Variants in PARD3B observed in about 807,000 individuals in gnomAD.
PARD3B encodes par-3 family cell polarity regulator beta.
Under a neutral mutation model 130.2 loss-of-function variants are expected in PARD3B, and 103 were observed. That is an observed-to-expected ratio of 0.79 (90% CI 0.67 to 0.93). The LOEUF is 0.93. PARD3B is among the 40% of genes least tolerant of loss of function. The pLI is 0.00. For missense variants in PARD3B, 1,609 were observed against 1,499.2 expected, an observed-to-expected ratio of 1.07 and a Z score of -1.21; for synonymous variants, 583 against 553.2, an observed-to-expected ratio of 1.05 and a Z score of -0.76.
intron 20 of PARD3B, among the ~76,000 whole-genome samples, chr2:205,472,655 A>G (rs1179853207): frequency 6.6e-6 from 1 of 152,230 alleles, no homozygotes; most frequent in Non-Finnish European, 1.5e-5. Context: ...CTCAATTCCC[A>G]GAAACAGAAG....
chr2:204,761,988 C>A (rs1574917539), intron 2 of PARD3B, among the ~76,000 whole-genome samples: 1 of 151,874 alleles, frequency 6.6e-6, no homozygotes, highest in Middle Eastern at 3.4e-3. Context: ...TGGATACTGT[C>A]ATTGTCTTTA....
At chr2:205,418,847 A>C (rs1333896297) in intron 19 of PARD3B, among the ~76,000 whole-genome samples, 1 of 152,164 alleles carries the variant, frequency 6.6e-6, no homozygotes, top group East Asian at 1.9e-4. Flanking sequence ...GTTTAGGGCA[A>C]AACTTTCTGG....
rs988674226 is a variant in PARD3B, at chr2:205,405,903, A to G, written c.2741+4780A>G. On this transcript the variant is annotated intron_variant, in intron 19 of 22. Coordinates refer to ENST00000406610, the MANE Select transcript of PARD3B (RefSeq NM_001302769.2). This position sits in a 1 kb window ranked among gnomAD's most constrained non-coding sequence, Gnocchi z 4.1. ...GGTTTTAGTTGAGCATAAGTTTAGC[A>G]TGAGTCAACATGTGGATATGCCTGC... Among the ~76,000 whole-genome samples, 1 of 152,232 alleles carries G rather than the reference A, an allele frequency of 6.6e-6. No homozygotes were observed. Among genetic ancestry groups the G allele is most frequent in the South Asian group, 2.1e-4 (1 of 4,838 alleles).
chr2:205,513,954 G>A (rs967711029), intron 21 of PARD3B, among the ~76,000 whole-genome samples: 5 of 152,064 alleles, frequency 3.3e-5, no homozygotes, highest in African/African-American at 1.2e-4. Context: ...CCTTTTGTCT[G>A]CATTTAGGGC....
chr2:204,714,014 T>A (rs1048518628), intron 2 of PARD3B, among the ~76,000 whole-genome samples: 1 of 152,216 alleles, frequency 6.6e-6, no homozygotes, highest in Non-Finnish European at 1.5e-5. Context: ...TATTAACACA[T>A]ATATGTATGC....
At chr2:205,541,243 G>C (rs1423204545) in intron 21 of PARD3B, among the ~76,000 whole-genome samples, 1 of 151,630 alleles carries the variant, frequency 6.6e-6, no homozygotes, top group Non-Finnish European at 1.5e-5. Flanking sequence ...ATTCTCTTTT[G>C]CAGCTTTTCT....
intron 20 of PARD3B, among the ~76,000 whole-genome samples, chr2:205,487,224 C>G: frequency 6.6e-6 from 1 of 152,150 alleles, no homozygotes; most frequent in East Asian, 1.9e-4. Flanking sequence ...GAGGGTCGAG[C>G]TCCTAATCAC....
At chr2:205,499,202 G>T (rs2050061637) in intron 20 of PARD3B, among the ~76,000 whole-genome samples, 1 of 151,992 alleles carries the variant, frequency 6.6e-6, no homozygotes, top group African/African-American at 2.4e-5. Flanking sequence ...GCAGTTTGGG[G>T]TTGGGCAGAT....
At chr2:204,592,421 A>C (rs1574512354) in intron 1 of PARD3B, among the ~76,000 whole-genome samples, 1 of 152,348 alleles carries the variant, frequency 6.6e-6, no homozygotes, top group East Asian at 1.9e-4. Flanking sequence ...AAAGCCTACC[A>C]TGAAATTCTG....
intron 20 of PARD3B, among the ~76,000 whole-genome samples, chr2:205,455,791 C>T (rs965564367): frequency 6.6e-6 from 1 of 152,002 alleles, no homozygotes; most frequent in Admixed American, 6.6e-5. Flanking sequence ...AGTACAATAT[C>T]AAAACCAGGA....
intron 2 of PARD3B, among the ~76,000 whole-genome samples, chr2:204,888,139 G>T (rs1051344627): frequency 3.9e-5 from 6 of 152,030 alleles, no homozygotes; most frequent in Non-Finnish European, 1.5e-5. Context: ...AGGAGAGAAG[G>T]GTAGAGGTAT....
rs1253197671 is a variant in PARD3B at position 204,546,096 on chromosome 2, C to T, written c.97C>T (p.Arg33Trp). ...CGAGCTCACCCAGCAGGCGCTGCAG[C>T]GGTACCTGAAGACCCGGGAGAAGGT... ...VGELTQQALQ[R>W]YLKTREKGPG... The change falls in exon 1 of 23, where the codon CGG (arginine) becomes TGG (tryptophan). Residue 33 changes from arginine to tryptophan, a missense_variant. Transcript: ENST00000406610. The T allele has an allele frequency of 6.4e-7, 1 of 1,556,710 alleles. No individual in the cohort carries two copies. Among genetic ancestry groups the T allele is most frequent in the Non-Finnish European group, 8.7e-7 (1 of 1,150,232 alleles).
At chr2:205,509,007 AGT>A in intron 21 of PARD3B, among the ~76,000 whole-genome samples, 1 of 150,460 alleles carries the variant, frequency 6.6e-6, no homozygotes, top group African/African-American at 2.4e-5. Flanking sequence ...TTTATATTTC[AGT>A]GTGTCTTTCA....
chr2:204,939,960 G>A (rs749435340), intron 2 of PARD3B, among the ~76,000 whole-genome samples: 6 of 152,100 alleles, frequency 3.9e-5, no homozygotes, highest in Non-Finnish European at 8.8e-5. Flanking sequence ...GAGCATACCT[G>A]CTATTTTACT....
chr2:205,384,546 T>A (rs954504641), intron 18 of PARD3B, among the ~76,000 whole-genome samples: 1 of 152,086 alleles, frequency 6.6e-6, no homozygotes, highest in African/African-American at 2.4e-5. Flanking sequence ...CCACCTAAAA[T>A]AATATACTCC....
intron 1 of PARD3B, among the ~76,000 whole-genome samples, chr2:204,581,158 A>G (rs754579741): frequency 5.3e-5 from 8 of 152,174 alleles, no homozygotes; most frequent in Non-Finnish European, 8.8e-5. Context: ...GATTAATTTA[A>G]TTAGGAGACA....
In PARD3B at chr2:204,545,767, G is replaced by C; in HGVS notation, c.-233G>C. ...CGGAGCTGCCGCGTCCCGGGCCGCC[G>C]GGCACCTGGGAGGTAACCCCTTTCC... On this transcript the variant is annotated 5_prime_UTR_variant, in exon 1 of 23. Coordinates refer to ENST00000406610, the MANE Select transcript of PARD3B (RefSeq NM_001302769.2). 1 of 411,660 alleles carries C rather than the reference G, an allele frequency of 2.4e-6. No individual in the cohort carries two copies. Among genetic ancestry groups the C allele is most frequent in the South Asian group, 5.1e-5 (1 of 19,510 alleles). The allele number at this position is 411,660 out of a possible 1,614,324, so 25.5% of individuals were successfully genotyped here.
chr2:204,876,217 T>G (rs1428652271), intron 2 of PARD3B, among the ~76,000 whole-genome samples: 1 of 152,194 alleles, frequency 6.6e-6, no homozygotes, highest in African/African-American at 2.4e-5. Flanking sequence ...AATTTTGGAT[T>G]TAATCTTTGC....
At chr2:204,760,705 G>C (rs1023265307) in intron 2 of PARD3B, among the ~76,000 whole-genome samples, 2 of 152,074 alleles carry the variant, frequency 1.3e-5, no homozygotes, top group Non-Finnish European at 2.9e-5. Flanking sequence ...ATGTTCTTTA[G>C]AGTTTGAAGA....
Sources: allele counts gnomAD v4.1 joint callset (sites outside exome capture counted in the v4.1 genomes callset), GRCh38; gene constraint gnomAD v4.1.1; non-coding constraint Gnocchi (gnomAD v3.1); transcripts MANE v1.5; gene names NCBI Gene and HGNC (gene_info 2026-07-23, HGNC 2026-07-21).